Variants in PID1 observed in about 807,000 individuals in gnomAD.
The protein encoded by PID1 is PTB-containing, cubilin and LRP1-interacting protein.
In PID1, 10 loss-of-function variants were observed where a neutral mutation model predicts 19.1. The observed-to-expected ratio is 0.52, with a 90% CI of 0.32 to 0.89. The LOEUF (loss-of-function observed/expected upper bound fraction) is 0.89, where lower values mean the gene tolerates loss of function less well. PID1 is among the 40% of genes least tolerant of loss of function. The pLI, the probability that PID1 is intolerant of heterozygous loss-of-function variation, is 0.03. For synonymous variants in PID1, 130 were observed against 116.0 expected (o/e 1.12, Z -0.78); for missense variants, 248 against 285.3 (o/e 0.87, Z 0.94).
intron 2 of PID1, among the ~76,000 whole-genome samples, chr2:229,043,390 T>C (rs1174582641): frequency 1.3e-5 from 2 of 152,164 alleles, no homozygotes; most frequent in African/African-American, 4.8e-5. Flanking sequence ...GGCTTATGGA[T>C]TGTAATTTTG....
At chr2:229,058,488 G>C (rs1694147621) in intron 2 of PID1, among the ~76,000 whole-genome samples, 1 of 152,154 alleles carries the variant, frequency 6.6e-6, no homozygotes, top group African/African-American at 2.4e-5. Context: ...TGTGTGAACT[G>C]GTTATACCGT....
intron 2 of PID1, among the ~76,000 whole-genome samples, chr2:229,096,842 C>G (rs1332690704): frequency 6.6e-6 from 1 of 152,104 alleles, no homozygotes; most frequent in Admixed American, 6.6e-5. Flanking sequence ...GTAATAATAA[C>G]CCCACAGTTG....
At chr2:229,172,353 A>G (rs565913555) in intron 1 of PID1, among the ~76,000 whole-genome samples, 2 of 152,328 alleles carry the variant, frequency 1.3e-5, no homozygotes, top group South Asian at 2.1e-4. Context: ...ATTGTCTAAC[A>G]GTTCTAGAGG....
intron 2 of PID1, among the ~76,000 whole-genome samples, chr2:229,151,281 C>T (rs1384122106): frequency 2.6e-5 from 4 of 152,054 alleles, no homozygotes; most frequent in Non-Finnish European, 1.5e-5. Flanking sequence ...CAGTGGAATC[C>T]GGTGGGGGGG....
intron 1 of PID1, among the ~76,000 whole-genome samples, chr2:229,160,348 A>G (rs71415709): frequency 7.0e-6 from 1 of 143,050 alleles, no homozygotes; most frequent in Non-Finnish European, 1.5e-5. Flanking sequence ...AAATAAATAC[A>G]CAGATAAACA....
chr2:229,265,791 T>A (rs1482116827), intron 1 of PID1, among the ~76,000 whole-genome samples: 1 of 152,156 alleles, frequency 6.6e-6, no homozygotes, highest in East Asian at 1.9e-4. Flanking sequence ...CAGAGTCTCC[T>A]CCAAGGCTAA....
chr2:229,210,871 A>T (rs553065680), intron 1 of PID1, among the ~76,000 whole-genome samples: 1 of 152,318 alleles, frequency 6.6e-6, no homozygotes, highest in African/African-American at 2.4e-5. Flanking sequence ...TGGCAAAAAC[A>T]GTCAAGGACG....
intron 1 of PID1, among the ~76,000 whole-genome samples, chr2:229,244,160 T>G (rs1689943989): frequency 6.6e-6 from 1 of 152,186 alleles, no homozygotes; most frequent in Admixed American, 6.5e-5. Context: ...CAACCTCATT[T>G]AACCACTATT....
chr2:229,027,595 G>T (rs1693453710), intron 2 of PID1, among the ~76,000 whole-genome samples: 1 of 152,170 alleles, frequency 6.6e-6, no homozygotes, highest in Non-Finnish European at 1.5e-5. Context: ...GGAGGCAGTG[G>T]CATACTGATG....
rs150587770 is a variant in PID1, at chr2:229,054,238, A to C, written c.178-28130T>G. 4.2e-3 allele frequency among the ~76,000 whole-genome samples: 639 copies of C among 152,144 alleles called. 1 individual carries two copies. The highest frequency in any genetic ancestry group is 6.4e-3 in the Non-Finnish European group (436 of 68,030). ...GGGATCAGAAAAGACCAGGCTTAAT[A>C]AGGCAGAATAACCTTTTCAACAAAG... On this transcript the variant is annotated intron_variant, in intron 2 of 2. Coordinates refer to ENST00000392055, the MANE Select transcript of PID1 (RefSeq NM_001100818.2).
intron 2 of PID1, among the ~76,000 whole-genome samples, chr2:229,034,480 C>T (rs1238630329): frequency 6.6e-6 from 1 of 152,182 alleles, no homozygotes; most frequent in African/African-American, 2.4e-5. Context: ...GACCCAGAAA[C>T]CTGGCTCACA....
At chr2:229,239,412 C>A (rs889643538) in intron 1 of PID1, among the ~76,000 whole-genome samples, 1 of 152,090 alleles carries the variant, frequency 6.6e-6, no homozygotes, top group African/African-American at 2.4e-5. Flanking sequence ...GGAATGCCCA[C>A]CTTGCCCTTT....
intron 1 of PID1, among the ~76,000 whole-genome samples, chr2:229,161,232 T>C (rs1690486857): frequency 6.6e-6 from 1 of 152,150 alleles, no homozygotes; most frequent in South Asian, 2.1e-4. Context: ...GCTGGCCTCC[T>C]TCCCAATCGA....
At chr2:229,229,375 T>A (rs1416281044) in intron 1 of PID1, among the ~76,000 whole-genome samples, 2 of 152,134 alleles carry the variant, frequency 1.3e-5, no homozygotes, top group Non-Finnish European at 2.9e-5. Context: ...TGCAATTGGA[T>A]GTTCTTGCAT....
At chr2:229,143,920 T>C (rs1322081192) in intron 2 of PID1, among the ~76,000 whole-genome samples, 1 of 152,022 alleles carries the variant, frequency 6.6e-6, no homozygotes, top group African/African-American at 2.4e-5. Flanking sequence ...AATTACCCAG[T>C]TTCAGGTAGT....
intron 2 of PID1, among the ~76,000 whole-genome samples, chr2:229,078,174 G>C (rs913346987): frequency 6.6e-6 from 1 of 152,162 alleles, no homozygotes; most frequent in African/African-American, 2.4e-5. Flanking sequence ...TTCTGAATGG[G>C]AGTTTGCTCA....
intron 2 of PID1, among the ~76,000 whole-genome samples, chr2:229,053,834 AGC>A: frequency 1.3e-5 from 2 of 152,344 alleles, no homozygotes; most frequent in Middle Eastern, 3.4e-3. Flanking sequence ...AATCAGGGAG[AGC>A]CCAATCAGTC....
rs186180093 is a variant in PID1 at position 229,104,389 on chromosome 2, G to A, written c.177+51429C>T. The stretch of plus-strand genomic sequence containing the variant: ...AAAACAGATTAAGAATTGACTTTGT[G>A]GTAGAAAATTATAGAGGGATGTTAA... On this transcript the variant is annotated intron_variant, in intron 2 of 2. Coordinates refer to ENST00000392055, the MANE Select transcript of PID1 (RefSeq NM_001100818.2). Among the ~76,000 whole-genome samples, 405 of 152,236 alleles carry A rather than the reference G, an allele frequency of 2.7e-3. 1 individual carries two copies. Among genetic ancestry groups the A allele is most frequent in the Non-Finnish European group, 4.5e-3 (308 of 68,020 alleles).
intron 2 of PID1, among the ~76,000 whole-genome samples, chr2:229,028,495 C>T (rs1263510882): frequency 6.6e-6 from 1 of 152,094 alleles, no homozygotes; most frequent in Non-Finnish European, 1.5e-5. Flanking sequence ...AAAGGCAGCC[C>T]ATCCAATGGG....
Sources: gnomAD v4.1 joint callset for allele counts (sites outside exome capture counted in the v4.1 genomes callset) on GRCh38, gnomAD v4.1.1 for gene constraint, MANE v1.5 for transcripts, NCBI Gene and HGNC (gene_info 2026-07-23, HGNC 2026-07-21) for gene names.